TTC23L: variants seen among roughly 807,000 people sequenced by gnomAD.
The protein encoded by TTC23L is tetratricopeptide repeat protein 23-like.
Under a neutral mutation model 48.1 loss-of-function variants are expected in TTC23L, and 42 were observed. The observed-to-expected ratio is 0.87, with a 90% CI of 0.68 to 1.13. TTC23L has a LOEUF of 1.13. TTC23L is among the 50% of genes most tolerant of loss of function. TTC23L has a pLI of 0.00. For missense variants in TTC23L, 391 were observed against 421.0 expected, an observed-to-expected ratio of 0.93 and a Z score of 0.62; for synonymous variants, 159 against 157.2, an observed-to-expected ratio of 1.01 and a Z score of -0.09.
intron 9 of TTC23L, 147 bp from the exon 10 acceptor site, chr5:34,896,623 C>T: frequency 2.9e-6 from 2 of 689,578 alleles, no homozygotes; most frequent in Non-Finnish European, 5.3e-6. Flanking sequence ...AAGGGGACAA[C>T]ATTCTAGTGT....
At chr5:34,914,814 G>A in the TTC23L span, 18 of 1,614,222 alleles carry the variant, frequency 1.1e-5, no homozygotes, top group Non-Finnish European at 1.4e-5. Context: ...ATAGTGGAGA[G>A]ATTCCTAACG....
rs531786264 is a variant in TTC23L, at chr5:34,888,154, A to G, written c.1077+7846A>G. 2.6e-5 allele frequency among the ~76,000 whole-genome samples: 4 copies of G among 152,226 alleles called. No homozygotes were observed. In the South Asian group the frequency reaches 6.2e-4, roughly 24 times the overall value. On this transcript the variant is annotated intron_variant, in intron 9 of 10. Coordinates refer to ENST00000505624, the Ensembl canonical transcript of TTC23L. ...CCTTCCACCATGTGAGTTTACAGAA[A>G]GAAGATGGCTGTCAATGAATCAGGA...
At chr5:34,922,673 GT>G in the TTC23L span, 13 of 1,608,574 alleles carry the variant, frequency 8.1e-6, no homozygotes, top group African/African-American at 1.7e-4. Context: ...AACTATTTTT[GT>G]TTTTGTTGTA....
At chr5:34,857,367 G>A (rs1760215851) in intron 4 of TTC23L, among the ~76,000 whole-genome samples, 1 of 152,176 alleles carries the variant, frequency 6.6e-6, no homozygotes, top group South Asian at 2.1e-4. Context: ...TCCAGGTACT[G>A]GGGCTCTGTT....
chr5:34,876,085 A>AT (rs543554820), intron 8 of TTC23L, among the ~76,000 whole-genome samples: 180 of 152,298 alleles, frequency 1.2e-3, no homozygotes, highest in African/African-American at 4.2e-3. Context: ...TTGAATTAAG[A>AT]TTTTTTTGAA....
intron 4 of TTC23L, among the ~76,000 whole-genome samples, chr5:34,860,102 C>T (rs1389844221): frequency 6.6e-6 from 1 of 152,070 alleles, no homozygotes; most frequent in Non-Finnish European, 1.5e-5. Flanking sequence ...CCGCCTCGGC[C>T]TCCCAAAGTG....
intron 3 of TTC23L, among the ~76,000 whole-genome samples, chr5:34,846,600 T>TATATACACAC (rs61009546): frequency 2.7e-4 from 25 of 92,900 alleles, no homozygotes; most frequent in South Asian, 7.2e-4. Context: ...TATATATATA[T>TATATACACAC]ACACACACAT....
chr5:34,893,959 C>T (rs749023732), intron 9 of TTC23L, among the ~76,000 whole-genome samples: 3 of 152,090 alleles, frequency 2.0e-5, no homozygotes, highest in Admixed American at 1.3e-4. Context: ...CATAAAATGC[C>T]ATTTTTAACC....
At chr5:34,862,787 A>T (rs1274347205) in intron 4 of TTC23L, 111 bp from the exon 5 acceptor site, 2 of 1,263,264 alleles carry the variant, frequency 1.6e-6, no homozygotes, top group Non-Finnish European at 2.2e-6. Context: ...CCAATGCTAT[A>T]GACCATACGA....
rs556788983 is a variant in TTC23L, at chr5:34,853,252, T to G, written c.379+2944T>G. ...TTGATCAGAAGTAGTGTGTAGTGGC[T>G]GGGTGTGGTGACTCATGCATGTAAT... On this transcript the variant is annotated intron_variant, in intron 4 of 10. Coordinates refer to ENST00000505624, the Ensembl canonical transcript of TTC23L. Among the ~76,000 whole-genome samples, 514 of 152,158 alleles carry G rather than the reference T, an allele frequency of 3.4e-3. 2 individuals carry two copies. Among genetic ancestry groups the G allele is most frequent in the African/African-American group, 0.012 (502 of 41,532 alleles).
chr5:34,899,799 G>T (rs1763447976), downstream of TTC23L, among the ~76,000 whole-genome samples: 1 of 152,198 alleles, frequency 6.6e-6, no homozygotes, highest in African/African-American at 2.4e-5. Flanking sequence ...GGCTGAGGCA[G>T]AAGAATCACT....
intron 4 of TTC23L, among the ~76,000 whole-genome samples, chr5:34,859,439 A>G (rs765029322): frequency 1.3e-5 from 2 of 152,160 alleles, no homozygotes; most frequent in Non-Finnish European, 2.9e-5. Flanking sequence ...TCATCTGGGC[A>G]TCTGCTATGG....
At chr5:34,909,662 C>T in the TTC23L span, among the ~76,000 whole-genome samples, 1 of 152,038 alleles carries the variant, frequency 6.6e-6, no homozygotes, top group Non-Finnish European at 1.5e-5. Context: ...ATATAACAGG[C>T]GAGAGAATTG....
chr5:34,858,523 G>A (rs1215827245), intron 4 of TTC23L, among the ~76,000 whole-genome samples: 2 of 152,082 alleles, frequency 1.3e-5, no homozygotes, highest in Non-Finnish European at 2.9e-5. Context: ...GTCTAGGCCA[G>A]TGGTCTCCAA....
chr5:34,858,378 A>T (rs6869117), intron 4 of TTC23L, among the ~76,000 whole-genome samples: 1 of 152,052 alleles, frequency 6.6e-6, no homozygotes, highest in Non-Finnish European at 1.5e-5. Context: ...TACTGAATTC[A>T]TAGTACTTTT....
rs1761262516 is a variant in TTC23L at position 34,869,072 on chromosome 5, C to G, written c.949+59C>G. On this transcript the variant is annotated intron_variant, in intron 8 of 10. Coordinates refer to ENST00000505624, the Ensembl canonical transcript of TTC23L. Reference sequence around the variant, plus strand: ...CAGTCACATGAGGGAAGCACATTGGCAAACAGCCTATCTAAGATTCTAATT... The same window carrying G: ...CAGTCACATGAGGGAAGCACATTGGGAAACAGCCTATCTAAGATTCTAATT... The G allele has an allele frequency of 3.7e-6, 5 of 1,334,520 alleles. No individual in the cohort carries two copies. In the East Asian group the frequency reaches 1.0e-4, roughly 27 times the overall value. The allele number at this position is 1,334,520 out of a possible 1,614,324, so 82.7% of individuals were successfully genotyped here. A position where few individuals can be genotyped will look rare whatever the true frequency, so the allele number is the denominator to read the frequency against.
chr5:34,921,334 C>T, the TTC23L span: 2 of 151,992 alleles, frequency 1.3e-5, no homozygotes, highest in African/African-American at 4.8e-5. Flanking sequence ...GGCTTTTCAC[C>T]CAATCCCTTA....
At chr5:34,849,874 G>A (rs915357822) in intron 3 of TTC23L, among the ~76,000 whole-genome samples, 8 of 152,180 alleles carry the variant, frequency 5.3e-5, no homozygotes, top group Non-Finnish European at 8.8e-5. Flanking sequence ...AAGTCACTCT[G>A]GCTATTATGT....
chr5:34,923,007 G>C, the TTC23L span: 1 of 1,531,036 alleles, frequency 6.5e-7, no homozygotes, highest in South Asian at 1.1e-5. Context: ...ATAGGCTTTT[G>C]ATGAATTACC....
Sources: gnomAD v4.1 joint callset for allele counts (sites outside exome capture counted in the v4.1 genomes callset) on GRCh38, gnomAD v4.1.1 for gene constraint, MANE v1.5 for transcripts, NCBI Gene and HGNC (gene_info 2026-07-23, HGNC 2026-07-21) for gene names.